Variants in USP34 observed in about 807,000 individuals in gnomAD.
USP34 encodes ubiquitin specific peptidase 34.
USP34 carries 70 observed loss-of-function variants against 460.3 expected under a neutral mutation model. The observed-to-expected ratio is 0.15, with a 90% CI of 0.13 to 0.19. The LOEUF (loss-of-function observed/expected upper bound fraction) is 0.19, where lower values mean the gene tolerates loss of function less well. USP34 is among the 10% of genes least tolerant of loss of function. The pLI, the probability that USP34 is intolerant of heterozygous loss-of-function variation, is 1.00. For synonymous variants in USP34, 1,647 were observed against 1,405.3 expected (o/e 1.17, Z -3.85); for missense variants, 3,985 against 4,236.2 (o/e 0.94, Z 1.65).
chr2:61,294,430 G>A (rs1251642085), intron 32 of USP34, among the ~76,000 whole-genome samples: 1 of 151,982 alleles, frequency 6.6e-6, no homozygotes, highest in Admixed American at 6.6e-5. Context: ...TAGACACTGG[G>A]ATGTCCTCAC....
At position 61,432,167 on chromosome 2, in the gene USP34, C is replaced by G. The variant is rs182743824; in HGVS notation, c.44-11334G>C. 2.0e-3 allele frequency among the ~76,000 whole-genome samples: 309 copies of G among 151,802 alleles called. 1 individual carries two copies. Among genetic ancestry groups the G allele is most frequent in the Non-Finnish European group, 3.9e-3 (263 of 67,928 alleles). ...CAGCCTGGGCAACTTAGACAGAACC[C>G]ACCGTTTTTCAATTAAAAAAAAAAA... On this transcript the variant is annotated intron_variant, in intron 1 of 79. Coordinates refer to ENST00000398571, the MANE Select transcript of USP34 (RefSeq NM_014709.4).
At chr2:61,377,358 T>C (rs1413581760) in intron 8 of USP34, among the ~76,000 whole-genome samples, 3 of 152,166 alleles carry the variant, frequency 2.0e-5, no homozygotes, top group African/African-American at 7.2e-5. Flanking sequence ...TCTATCCTAC[T>C]GTTTGAGATT....
intron 44 of USP34, among the ~76,000 whole-genome samples, chr2:61,258,483 A>C (rs1211608156): frequency 6.6e-6 from 1 of 152,220 alleles, no homozygotes. Context: ...ATGGTCTCTT[A>C]GAGTTTGAAA....
chr2:61,197,390 T>C (rs1200782453), intron 75 of USP34, among the ~76,000 whole-genome samples: 1 of 152,222 alleles, frequency 6.6e-6, no homozygotes. Flanking sequence ...TTCTTTTGGA[T>C]GAGGAAATTA....
At chr2:61,417,026 A>G (rs1268781851) in intron 2 of USP34, 10 of 1,320,644 alleles carry the variant, frequency 7.6e-6, no homozygotes, top group Non-Finnish European at 1.1e-5. Flanking sequence ...CACTTCTTCC[A>G]GATGTGGATC....
chr2:61,324,504 G>C (rs1467070789), intron 21 of USP34, among the ~76,000 whole-genome samples: 1 of 152,186 alleles, frequency 6.6e-6, no homozygotes, highest in African/African-American at 2.4e-5. Context: ...GCCAGGTGCA[G>C]TGACACACTG....
chr2:61,285,322 C>T (rs1040921747), intron 34 of USP34, among the ~76,000 whole-genome samples: 4 of 151,358 alleles, frequency 2.6e-5, no homozygotes, highest in Non-Finnish European at 4.4e-5. Context: ...ACTCTGTTTC[C>T]ACTAAAAATA....
intron 1 of USP34, among the ~76,000 whole-genome samples, chr2:61,431,094 G>C (rs2103997569): frequency 6.6e-6 from 1 of 152,320 alleles, no homozygotes; most frequent in South Asian, 2.1e-4. Context: ...AAAGGTTAGA[G>C]AAGAGGAATG....
rs774569888 is a variant in USP34, at chr2:61,301,517, A to G, written c.3818-63T>C. On this transcript the variant is annotated intron_variant, in intron 27 of 79. Coordinates refer to ENST00000398571, the MANE Select transcript of USP34 (RefSeq NM_014709.4). ...AAGAATTAACTTACTTGCTGATAAGAATATGTAGTTGTAGCAATTAAACAC... is the reference window on the plus strand; with the variant it reads ...AAGAATTAACTTACTTGCTGATAAGGATATGTAGTTGTAGCAATTAAACAC... 3.6e-4 allele frequency: 513 copies of G among 1,423,394 alleles called. 2 individuals carry two copies. The highest frequency in any genetic ancestry group is 8.9e-4 in the Middle Eastern group (5 of 5,640). 88.2% of individuals were successfully genotyped at this position (1,423,394 alleles called of 1,614,324 possible).
intron 67 of USP34, among the ~76,000 whole-genome samples, chr2:61,218,170 T>C (rs1178863274): frequency 3.3e-5 from 5 of 151,604 alleles, no homozygotes; most frequent in Non-Finnish European, 5.9e-5. Flanking sequence ...CATAGTTTTT[T>C]TTTTTTGTTG....
chr2:61,230,390 G>A (rs1179363222), intron 58 of USP34, among the ~76,000 whole-genome samples: 1 of 152,178 alleles, frequency 6.6e-6, no homozygotes, highest in Non-Finnish European at 1.5e-5. Flanking sequence ...GCCGGGCGTG[G>A]TGGTGGGCAC....
chr2:61,227,424 A>C (rs966120064), intron 61 of USP34, among the ~76,000 whole-genome samples: 1 of 152,170 alleles, frequency 6.6e-6, no homozygotes, highest in Non-Finnish European at 1.5e-5. Context: ...GTAAAGAATA[A>C]CAATTCTCTG....
At chr2:61,235,120 C>G (rs191172232) in intron 57 of USP34, among the ~76,000 whole-genome samples, 2 of 152,162 alleles carry the variant, frequency 1.3e-5, no homozygotes, top group Non-Finnish European at 2.9e-5. Flanking sequence ...CACATAACTA[C>G]ATGGTGATAG....
intron 5 of USP34, among the ~76,000 whole-genome samples, chr2:61,392,920 G>C (rs1693399252): frequency 6.6e-6 from 1 of 152,108 alleles, no homozygotes; most frequent in Admixed American, 6.5e-5. Context: ...GAATGCCAAA[G>C]TACATAAAAC....
rs373268568 is a variant in USP34 at position 61,314,866 on chromosome 2, A to T, written c.3382+9T>A. ...AATTACCTATCAGACAATGTTTCAA[A>T]TCACTTACCATTAATATAATAGGAG... On this transcript the variant is annotated intron_variant, in intron 24 of 79. Coordinates refer to ENST00000398571, the MANE Select transcript of USP34 (RefSeq NM_014709.4). 6.2e-7 allele frequency: 1 copy of T among 1,602,084 alleles called. No homozygotes were observed. The highest frequency in any genetic ancestry group is 1.3e-5 in the African/African-American group (1 of 74,376).
At chr2:61,239,397 T>C (rs1465831637) in intron 53 of USP34, among the ~76,000 whole-genome samples, 3 of 150,834 alleles carry the variant, frequency 2.0e-5, no homozygotes, top group East Asian at 2.0e-4. Flanking sequence ...TACATCATCA[T>C]TGTAAAGGTT....
At position 61,348,027 on chromosome 2, in the gene USP34, T is replaced by C. The variant is rs1349434767; in HGVS notation, c.2128A>G (p.Asn710Asp). 1 of 1,614,096 alleles carries C rather than the reference T, an allele frequency of 6.2e-7. No individual in the cohort carries two copies. The highest frequency in any genetic ancestry group is 8.5e-7 in the Non-Finnish European group (1 of 1,180,038). Residue 710 changes from asparagine to aspartate, a missense_variant, in exon 15 of 80, where the codon AAT (asparagine) becomes GAT (aspartate). Physicochemically the swap from Asn to Asp is conservative, Grantham distance 23. Coordinates refer to ENST00000398571, the MANE Select transcript of USP34 (RefSeq NM_014709.4). ...DPEHDISGEM[N>D]ATHIAQGSQE... ...GACCCTTGTGCTATATGAGTAGCAT[T>C]CATTTCCCCTGAAATATCATGTTCT...
At chr2:61,300,268 C>A (rs1396555337) in intron 29 of USP34, among the ~76,000 whole-genome samples, 2 of 152,044 alleles carry the variant, frequency 1.3e-5, no homozygotes, top group Non-Finnish European at 1.5e-5. Context: ...GCTCTGCCTA[C>A]CTTTCCAATT....
At position 61,223,181 on chromosome 2, in the gene USP34, T is replaced by G. The variant is rs1310236291; in HGVS notation, c.7645-17A>C. On this transcript the variant is annotated splice_polypyrimidine_tract_variant and intron_variant, in intron 63 of 79. Transcript: ENST00000398571. Reference sequence around the variant, plus strand: ...GGGAAATCCCTGTCAAAAGCAAAAGTTGTTCATTTAAGAACCGTTATTATT... The same window carrying G: ...GGGAAATCCCTGTCAAAAGCAAAAGGTGTTCATTTAAGAACCGTTATTATT... The G allele has an allele frequency of 6.2e-7, 1 of 1,613,384 alleles. No homozygotes were observed. The highest frequency in any genetic ancestry group is 1.7e-5 in the Admixed American group (1 of 59,968).
Sources: allele counts gnomAD v4.1 joint callset (sites outside exome capture counted in the v4.1 genomes callset), GRCh38; gene constraint gnomAD v4.1.1; transcripts MANE v1.5; gene names NCBI Gene and HGNC (gene_info 2026-07-23, HGNC 2026-07-21).